Variants in GNA14 observed in about 807,000 individuals in gnomAD.
GNA14 encodes guanine nucleotide-binding protein subunit alpha-14.
GNA14 carries 50 observed loss-of-function variants against 42.0 expected under a neutral mutation model. The ratio of observed to expected loss-of-function variants is 1.19; its 90% CI spans 0.95 to 1.51. GNA14 has a LOEUF of 1.51. Among genes scored for constraint, GNA14 ranks in the 40% most tolerant of loss-of-function variants. GNA14 has a pLI of 0.00. For synonymous variants in GNA14, 173 were observed against 163.1 expected (o/e 1.06, Z -0.46); for missense variants, 473 against 446.2 (o/e 1.06, Z -0.54).
chr9:77,488,736 TAAAA>T (rs1432365232), intron 2 of GNA14, among the ~76,000 whole-genome samples: 1 of 40,736 alleles, frequency 2.5e-5, no homozygotes, highest in Non-Finnish European at 5.1e-5. Flanking sequence ...TGAGGAAAAA[TAAAA>T]TAAATAGTAA....
At chr9:77,538,597 A>G (rs1210836277) in intron 1 of GNA14, among the ~76,000 whole-genome samples, 5 of 152,036 alleles carry the variant, frequency 3.3e-5, no homozygotes, top group Non-Finnish European at 1.5e-5. Context: ...TTCCTTTTCA[A>G]TTTATTTCAG....
chr9:77,638,572 G>A (rs1257447275), intron 1 of GNA14, among the ~76,000 whole-genome samples: 1 of 152,198 alleles, frequency 6.6e-6, no homozygotes, highest in African/African-American at 2.4e-5. Context: ...CAAATGTTGT[G>A]TTTGAAAAAC....
chr9:77,439,689 C>A (rs2131696201), intron 2 of GNA14, among the ~76,000 whole-genome samples: 1 of 152,282 alleles, frequency 6.6e-6, no homozygotes, highest in South Asian at 2.1e-4. Context: ...GTGCATAGTT[C>A]TCTCTGGTTT....
At chr9:77,491,282 T>C (rs1308731318) in intron 2 of GNA14, among the ~76,000 whole-genome samples, 1 of 152,198 alleles carries the variant, frequency 6.6e-6, no homozygotes, top group East Asian at 1.9e-4. Flanking sequence ...AATCCACTGA[T>C]AAAATTAAGT....
At chr9:77,442,830 C>T (rs1009857718) in intron 2 of GNA14, among the ~76,000 whole-genome samples, 2 of 152,184 alleles carry the variant, frequency 1.3e-5, no homozygotes, top group African/African-American at 4.8e-5. Context: ...GAAGATGGGA[C>T]AACTGCAAAG....
intron 1 of GNA14, among the ~76,000 whole-genome samples, chr9:77,538,679 C>A (rs974001942): frequency 6.6e-6 from 1 of 151,942 alleles, no homozygotes; most frequent in Non-Finnish European, 1.5e-5. Context: ...TATTTTATTT[C>A]TTTATAGCTA....
intron 1 of GNA14, among the ~76,000 whole-genome samples, chr9:77,617,034 TA>T (rs1823833940): frequency 6.6e-6 from 1 of 151,858 alleles, no homozygotes; most frequent in Admixed American, 6.6e-5. Flanking sequence ...CACGACCGGT[TA>T]ATTTTTTTGT....
chr9:77,514,128 T>A (rs891563298), intron 2 of GNA14, among the ~76,000 whole-genome samples: 2 of 152,178 alleles, frequency 1.3e-5, no homozygotes, highest in Non-Finnish European at 2.9e-5. Context: ...TAGGGCCCCA[T>A]GCCAGGCTTT....
intron 1 of GNA14, among the ~76,000 whole-genome samples, chr9:77,598,513 A>C (rs1424981578): frequency 6.6e-6 from 1 of 152,136 alleles, no homozygotes; most frequent in East Asian, 1.9e-4. Flanking sequence ...CTATTACAGC[A>C]CCTGGTATTC....
At chr9:77,493,583 T>G (rs1315162666) in intron 2 of GNA14, among the ~76,000 whole-genome samples, 9 of 152,218 alleles carry the variant, frequency 5.9e-5, no homozygotes, top group Admixed American at 5.9e-4. Flanking sequence ...TGTCCACTTA[T>G]TGAGTGAGTT....
At chr9:77,609,848 C>G (rs1365480247) in intron 1 of GNA14, among the ~76,000 whole-genome samples, 1 of 152,200 alleles carries the variant, frequency 6.6e-6, no homozygotes, top group East Asian at 1.9e-4. Context: ...CCTGATCCAG[C>G]CCGCCACCAC....
intron 2 of GNA14, among the ~76,000 whole-genome samples, chr9:77,480,183 G>C (rs1370367473): frequency 6.6e-6 from 1 of 152,136 alleles, no homozygotes; most frequent in Non-Finnish European, 1.5e-5. Flanking sequence ...TATTGGCTGT[G>C]GGTTTGTCAT....
intron 1 of GNA14, among the ~76,000 whole-genome samples, chr9:77,576,105 A>C (rs1823124513): frequency 6.6e-6 from 1 of 152,230 alleles, no homozygotes; most frequent in Non-Finnish European, 1.5e-5. Context: ...TTTTAAATTA[A>C]GAGACATAAA....
chr9:77,568,746 G>C, intron 1 of GNA14, among the ~76,000 whole-genome samples: 1 of 152,110 alleles, frequency 6.6e-6, no homozygotes, highest in Non-Finnish European at 1.5e-5. Flanking sequence ...GAATTTACAG[G>C]GGGGCACTCC....
intron 2 of GNA14, among the ~76,000 whole-genome samples, chr9:77,516,141 A>G (rs1307122432): frequency 1.3e-5 from 2 of 152,036 alleles, no homozygotes; most frequent in Non-Finnish European, 2.9e-5. Context: ...TCACAAGGCA[A>G]TGGACCATTA....
At chr9:77,545,508 G>T (rs1837708632) in intron 1 of GNA14, among the ~76,000 whole-genome samples, 1 of 152,154 alleles carries the variant, frequency 6.6e-6, no homozygotes, top group Non-Finnish European at 1.5e-5. Flanking sequence ...ATTTGCTCTT[G>T]AAAGGTCCAG....
At chr9:77,629,052 C>T (rs532537153) in intron 1 of GNA14, among the ~76,000 whole-genome samples, 1 of 151,750 alleles carries the variant, frequency 6.6e-6, no homozygotes, top group Non-Finnish European at 1.5e-5. Flanking sequence ...GAAAAAAAAA[C>T]CCCATCAAAA....
At chr9:77,431,239 A>T in intron 4 of GNA14, 82 bp downstream of exon 4, 1 of 1,288,756 alleles carries the variant, frequency 7.8e-7, no homozygotes, top group Non-Finnish European at 1.1e-6. Flanking sequence ...ATCCCTGCTT[A>T]GGAATAACAC....
intron 1 of GNA14, among the ~76,000 whole-genome samples, chr9:77,566,350 T>A (rs1822967801): frequency 6.6e-6 from 1 of 151,936 alleles, no homozygotes; most frequent in African/African-American, 2.4e-5. Context: ...AAACAGGGTC[T>A]CGCCATGTTG....
Sources: allele counts gnomAD v4.1 joint callset (sites outside exome capture counted in the v4.1 genomes callset), GRCh38; gene constraint gnomAD v4.1.1; transcripts MANE v1.5; gene names NCBI Gene and HGNC (gene_info 2026-07-23, HGNC 2026-07-21).